The following TRIP11 variants were observed in gnomAD, a reference collection of about 807,000 sequenced individuals.
TRIP11 encodes the protein thyroid receptor-interacting protein 11.
In TRIP11, 148 loss-of-function variants were observed where a neutral mutation model predicts 223.1. The observed-to-expected ratio is 0.66, with a 90% confidence interval of 0.58 to 0.76. The LOEUF is 0.76. Among genes scored for constraint, TRIP11 ranks in the 30% least tolerant of loss-of-function variants. The pLI, the probability that TRIP11 is intolerant of heterozygous loss-of-function variation, is 0.00. For synonymous variants in TRIP11, 762 were observed against 772.6 expected (o/e 0.99, Z 0.23); for missense variants, 2,043 against 2,222.0 (o/e 0.92, Z 1.62).
Position 92,004,635 on chromosome 14 carries a change from T to C in TRIP11, c.3341A>G (p.His1114Arg). The change falls in exon 11 of 21, where the codon CAT becomes CGT. Residue 1114 changes from histidine (H) to arginine (R), a missense_variant. Physicochemically the swap from His to Arg is conservative, Grantham distance 29 (BLOSUM62 0). Coordinates refer to ENST00000267622, the MANE Select transcript of TRIP11 (RefSeq NM_004239.4). The stretch of plus-strand genomic sequence containing the variant: ...CATTTTGTGATATTCTGTTTTTAGA[T>C]GGCTATTTTCCCTAGTCTTCTCATT... ...VLNEKTRENS[H>R]LKTEYHKMMD... 3.7e-6 allele frequency: 6 copies of C among 1,614,188 alleles called. No homozygotes were observed. The highest frequency in any genetic ancestry group is 4.2e-6 in the Non-Finnish European group (5 of 1,180,028).
intron 20 of TRIP11, among the ~76,000 whole-genome samples, chr14:91,972,072 C>T (rs1006850600): frequency 6.6e-6 from 1 of 152,118 alleles, no homozygotes; most frequent in Non-Finnish European, 1.5e-5. Flanking sequence ...GATAAATTTT[C>T]TTGCGTGCCA....
At position 92,004,879 on chromosome 14, in the gene TRIP11, T is replaced by G; in HGVS notation, c.3097A>C (p.Lys1033Gln). The change falls in exon 11 of 21, where the codon AAA becomes CAA. Residue 1033 changes from lysine to glutamine, a missense_variant. Lys to Gln is a moderately conservative substitution (Grantham distance 53). Coordinates refer to ENST00000267622, the MANE Select transcript of TRIP11 (RefSeq NM_004239.4). ...KGIKERELEIKLLNEKNISLT... is the reference protein window; with the variant it reads ...KGIKERELEIQLLNEKNISLT... ...GATATATTCTTTTCATTTAGAAGTT[T>G]AATCTCCAGTTCTCGCTCTTTTATT... 1.2e-6 allele frequency: 2 copies of G among 1,613,944 alleles called. No individual in the cohort carries two copies. The highest frequency in any genetic ancestry group is 1.7e-6 in the Non-Finnish European group (2 of 1,179,998).
intron 15 of TRIP11, among the ~76,000 whole-genome samples, 162 bp from the exon 16 acceptor site, chr14:91,988,545 C>T (rs1400202078): frequency 1.3e-5 from 2 of 150,860 alleles, no homozygotes; most frequent in Admixed American, 6.6e-5. Flanking sequence ...AAGGCAGAAC[C>T]CACATTCTTT....
intron 2 of TRIP11, among the ~76,000 whole-genome samples, chr14:92,025,892 A>G (rs1277290960): frequency 1.3e-5 from 2 of 151,980 alleles, no homozygotes; most frequent in African/African-American, 4.8e-5. Context: ...AAAAAAAAAA[A>G]AAAGCACTGA....
chr14:91,995,590 A>C, intron 13 of TRIP11, 75 bp from the exon 14 acceptor site: 3 of 1,385,312 alleles, frequency 2.2e-6, no homozygotes, highest in Non-Finnish European at 3.0e-6. Flanking sequence ...CACCTTCCCT[A>C]CATCTTATTA....
chr14:92,035,579 TTATTTA>T (rs2140151876), intron 1 of TRIP11, among the ~76,000 whole-genome samples: 1 of 103,734 alleles, frequency 9.6e-6, no homozygotes, highest in African/African-American at 4.1e-5. Flanking sequence ...ATTTATTTAT[TTATTTA>T]TTTTTTTTTT....
intron 9 of TRIP11, among the ~76,000 whole-genome samples, chr14:92,008,639 A>G (rs1395923658): frequency 6.6e-6 from 1 of 152,234 alleles, no homozygotes; most frequent in Non-Finnish European, 1.5e-5. Flanking sequence ...GTAATAAACT[A>G]TATATTAAAG....
chr14:92,005,729 T>A lies in TRIP11; in HGVS notation c.2247A>T (p.Ala749=). ...YEKTIEELSN[A]RNLNTSALQL... ...GTAAGGCAGAGGTATTCAAATTACG[T>A]GCATTTGACAGTTCTTCAATGGTTT... The change falls in exon 11 of 21, where the codon GCA becomes GCT. Residue 749 remains alanine (A), a synonymous_variant. Transcript: ENST00000267622. The A allele has an allele frequency of 6.2e-7, 1 of 1,614,060 alleles. No homozygotes were observed. Among genetic ancestry groups the A allele is most frequent in the South Asian group, 1.1e-5 (1 of 91,086 alleles).
Position 92,007,669 on chromosome 14 carries a change from A to C in TRIP11, c.1498T>G (p.Leu500Val). 1 of 1,613,514 alleles carries C rather than the reference A, an allele frequency of 6.2e-7. No homozygotes were observed. The highest frequency in any genetic ancestry group is 8.5e-7 in the Non-Finnish European group (1 of 1,179,948). Reference protein sequence around the residue: ...KETLIAEIEELDRQNQEATKH... With the variant: ...KETLIAEIEEVDRQNQEATKH... ...GTAGCTTCTTGATTCTGTCTGTCCA[A>C]TTCTTCTATCTCAGCTATCAGTGTT... is the stretch of plus-strand genomic sequence containing the variant. The change falls in exon 10 of 21, where the codon TTG becomes GTG. Residue 500 changes from leucine (L) to valine (V), a missense_variant. Transcript: ENST00000267622.
Position 92,004,409 on chromosome 14 carries a change from T to A in TRIP11, c.3567A>T (p.Thr1189=). The stretch of plus-strand genomic sequence containing the variant: ...CTCCAGCCTCATTACCAGTGCTGGA[T>A]GTTTGTAAAACTGCCAATAAAGTCT... The part of the protein sequence containing the change: ...KCQTLLAVLQ[T]SSTGNEAGGV... The change falls in exon 11 of 21, where the codon ACA becomes ACT. Residue 1189 remains threonine, a synonymous_variant. Coordinates refer to ENST00000267622, the MANE Select transcript of TRIP11 (RefSeq NM_004239.4). 6.2e-7 allele frequency: 1 copy of A among 1,614,072 alleles called. No homozygotes were observed. Among genetic ancestry groups the A allele is most frequent in the Non-Finnish European group, 8.5e-7 (1 of 1,180,032 alleles).
chr14:91,985,156 C>T (rs553074506), intron 16 of TRIP11, among the ~76,000 whole-genome samples: 11 of 152,262 alleles, frequency 7.2e-5, no homozygotes, highest in South Asian at 2.1e-4. Context: ...TCTGGAGGAA[C>T]TAAATATGCC....
chr14:92,020,662 TAAA>T (rs776038130), intron 4 of TRIP11, among the ~76,000 whole-genome samples: 1 of 138,278 alleles, frequency 7.2e-6, no homozygotes, highest in Non-Finnish European at 1.6e-5. Context: ...CATGTTTTAT[TAAA>T]AAAAAAAAAA....
intron 20 of TRIP11, among the ~76,000 whole-genome samples, chr14:91,971,417 T>C (rs2056399173): frequency 6.6e-6 from 1 of 152,202 alleles, no homozygotes; most frequent in Non-Finnish European, 1.5e-5. Flanking sequence ...GCTTTGTTCA[T>C]GCAAAGCCTA....
At position 92,005,745 on chromosome 14, in the gene TRIP11, T is replaced by G. The variant is rs1314526049; in HGVS notation, c.2231A>C (p.Glu744Ala). The change falls in exon 11 of 21, where the codon GAA becomes GCA. Residue 744 changes from glutamate (E) to alanine (A), a missense_variant. Transcript: ENST00000267622. Reference protein sequence around the residue: ...EEANKYEKTIEELSNARNLNT... With the variant: ...EEANKYEKTIAELSNARNLNT... ...CAAATTACGTGCATTTGACAGTTCTTCAATGGTTTTCTCATACTTGTTTGC... is the reference window on the plus strand; with the variant it reads ...CAAATTACGTGCATTTGACAGTTCTGCAATGGTTTTCTCATACTTGTTTGC... The G allele has an allele frequency of 5.0e-6, 8 of 1,614,082 alleles. No homozygotes were observed. In the East Asian group the frequency reaches 1.8e-4, roughly 36 times the overall value.
At chr14:91,992,531 T>G (rs2056687345) in intron 15 of TRIP11, among the ~76,000 whole-genome samples, 1 of 152,172 alleles carries the variant, frequency 6.6e-6, no homozygotes, top group South Asian at 2.1e-4. Context: ...GACGTTAATG[T>G]TCCTGAAGAA....
intron 14 of TRIP11, among the ~76,000 whole-genome samples, chr14:91,995,104 A>G (rs2056732631): frequency 6.6e-6 from 1 of 151,778 alleles, no homozygotes; most frequent in African/African-American, 2.4e-5. Context: ...TATTTCCTCA[A>G]CTCTCATCTC....
chr14:91,972,589 G>A (rs2056413269), intron 20 of TRIP11, 128 bp downstream of exon 20: 2 of 929,070 alleles, frequency 2.2e-6, no homozygotes, highest in African/African-American at 1.7e-5. Context: ...ATGCCTTATT[G>A]GAATTCTGGA....
chr14:91,996,720 C>A (rs2056756045), intron 13 of TRIP11, among the ~76,000 whole-genome samples: 1 of 152,090 alleles, frequency 6.6e-6, no homozygotes, highest in African/African-American at 2.4e-5. Context: ...TGCCTTTGAC[C>A]CCCTTGTATT....
intron 17 of TRIP11, 32 bp downstream of exon 17, chr14:91,976,076 A>T: frequency 6.3e-7 from 1 of 1,599,156 alleles, no homozygotes; most frequent in Non-Finnish European, 8.5e-7. Flanking sequence ...GATTTCCACA[A>T]AATATACAAA....
Sources: gnomAD v4.1 joint callset for allele counts (sites outside exome capture counted in the v4.1 genomes callset) on GRCh38, gnomAD v4.1.1 for gene constraint, MANE v1.5 for transcripts, NCBI Gene and HGNC (gene_info 2026-07-23, HGNC 2026-07-21) for gene names.